The following MTMR8 variants were observed in gnomAD, a reference collection of about 807,000 sequenced individuals.
The protein encoded by MTMR8 is phosphatidylinositol-3,5-bisphosphate 3-phosphatase MTMR8.
A neutral mutation model predicts 39.3 loss-of-function variants in MTMR8; 65 were observed. That is an observed-to-expected ratio of 1.65 (90% CI 1.35 to 2.03). The LOEUF is 2.03. Among genes scored for constraint, MTMR8 ranks in the 30% most tolerant of loss-of-function variants. The pLI, the probability that MTMR8 is intolerant of heterozygous loss-of-function variation, is 0.00. For missense variants in MTMR8, 777 were observed against 538.9 expected, an observed-to-expected ratio of 1.44 and a Z score of -4.37; for synonymous variants, 245 against 185.2, an observed-to-expected ratio of 1.32 and a Z score of -2.62.
chrX:64,285,541 C>T (rs1921133658), intron 12 of MTMR8, among the ~76,000 whole-genome samples: 1 of 111,917 alleles, frequency 8.9e-6, no homozygotes, highest in Non-Finnish European at 1.9e-5. Context: ...CACCACACCA[C>T]ACCTATTCCA....
intron 1 of MTMR8, among the ~76,000 whole-genome samples, chrX:64,377,129 C>A (rs767477205): frequency 2.5e-4 from 28 of 112,364 alleles, no homozygotes; most frequent in Non-Finnish European, 4.5e-4. Flanking sequence ...GCCTGGATGT[C>A]CAGGCAGAAG....
intron 12 of MTMR8, among the ~76,000 whole-genome samples, chrX:64,297,086 G>A (rs1365157935): frequency 5.6e-5 from 5 of 89,576 alleles, no homozygotes; most frequent in Admixed American, 1.3e-4. Flanking sequence ...AGTCCTTTGG[G>A]TATATACCCA....
intron 12 of MTMR8, among the ~76,000 whole-genome samples, chrX:64,295,647 G>A (rs1017910533): frequency 9.0e-6 from 1 of 111,332 alleles, no homozygotes; most frequent in African/African-American, 3.3e-5. Flanking sequence ...ATGGGCAATG[G>A]ACTTGAATAG....
chrX:64,305,372 CA>C, intron 12 of MTMR8: 1 of 221,177 alleles, frequency 4.5e-6, no homozygotes, highest in Non-Finnish European at 8.5e-6. Context: ...CCCCCTTATC[CA>C]AAAGGTTTAT....
Position 64,395,358 on chromosome X carries a change from A to T in MTMR8, c.6T>A (p.Asp2Glu), listed in dbSNP as rs780052998. 1 of 1,209,937 alleles carries T rather than the reference A, an allele frequency of 8.3e-7. No homozygotes were observed. The highest frequency in any genetic ancestry group is 1.8e-5 in the South Asian group (1 of 56,883). M[D>E]HITVPKVENV... ...TCCTTACCTTGGGTACCGTAATATG[A>T]TCCATGACTGCAGTTCCCGCCACCG... Residue 2 changes from aspartate (D) to glutamate (E), a missense_variant, in exon 1 of 14, where the codon GAT becomes GAA. Asp to Glu is a conservative substitution (Grantham distance 45). Transcript: ENST00000374852.
chrX:64,385,065 A>T (rs1924523425), intron 1 of MTMR8, among the ~76,000 whole-genome samples: 1 of 112,341 alleles, frequency 8.9e-6, no homozygotes, highest in Non-Finnish European at 1.9e-5. Flanking sequence ...AGAAGCAGCC[A>T]TGCCATTCTT....
intron 12 of MTMR8, among the ~76,000 whole-genome samples, chrX:64,298,321 G>T (rs1368663326): frequency 1.0e-5 from 1 of 99,138 alleles, no homozygotes; most frequent in Non-Finnish European, 2.0e-5. Flanking sequence ...TGGATTCCTA[G>T]GTATTTTATT....
intron 12 of MTMR8, among the ~76,000 whole-genome samples, chrX:64,277,094 G>C (rs1177012879): frequency 9.0e-6 from 1 of 111,085 alleles, no homozygotes; most frequent in African/African-American, 3.3e-5. Flanking sequence ...CTTTCCATTT[G>C]CTGGGTATAT....
intron 12 of MTMR8, among the ~76,000 whole-genome samples, chrX:64,311,407 T>C (rs1423092704): frequency 9.0e-6 from 1 of 111,664 alleles, no homozygotes; most frequent in African/African-American, 3.3e-5. Flanking sequence ...CTTTGTCAGA[T>C]GGGTAGATTG....
At chrX:64,331,935 CT>C (rs989714900) in intron 10 of MTMR8, among the ~76,000 whole-genome samples, 178 bp from the exon 11 acceptor site, 2 of 111,582 alleles carry the variant, frequency 1.8e-5, no homozygotes, top group African/African-American at 6.5e-5. Context: ...CTCTTAGCTG[CT>C]GGTGTCCTTC....
At chrX:64,318,803 G>T (rs1922548572) in intron 12 of MTMR8, among the ~76,000 whole-genome samples, 1 of 107,416 alleles carries the variant, frequency 9.3e-6, no homozygotes, top group Non-Finnish European at 1.9e-5. Context: ...CACCTCCAGG[G>T]TTCAAGCAAT....
intron 12 of MTMR8, chrX:64,306,299 A>C: frequency 3.2e-6 from 1 of 309,465 alleles, no homozygotes; most frequent in Non-Finnish European, 6.4e-6. Flanking sequence ...CTACTGTTTG[A>C]GCTTGTTCAG....
At chrX:64,353,157 G>T (rs1043341828) in intron 4 of MTMR8, among the ~76,000 whole-genome samples, 1 of 111,925 alleles carries the variant, frequency 8.9e-6, no homozygotes, top group Non-Finnish European at 1.9e-5. Context: ...CATATGCAAA[G>T]AAACACTTTA....
At chrX:64,329,733 T>A (rs1270447915) in intron 11 of MTMR8, among the ~76,000 whole-genome samples, 1 of 111,401 alleles carries the variant, frequency 9.0e-6, no homozygotes, top group African/African-American at 3.3e-5. Context: ...GTCTTGTAAC[T>A]TTTGCAATTG....
chrX:64,294,358 A>G (rs965699031), intron 12 of MTMR8, among the ~76,000 whole-genome samples: 2 of 111,717 alleles, frequency 1.8e-5, no homozygotes, highest in Non-Finnish European at 3.8e-5. Context: ...ATTTTTTCCC[A>G]GCCACCTATG....
intron 12 of MTMR8, among the ~76,000 whole-genome samples, chrX:64,311,628 T>G (rs1320594791): frequency 7.2e-5 from 8 of 111,763 alleles, no homozygotes; most frequent in Middle Eastern, 4.6e-3. Context: ...ATGGTTTTAG[T>G]TCTAACATTT....
chrX:64,283,118 T>A (rs775957324), intron 12 of MTMR8, among the ~76,000 whole-genome samples: 2 of 111,813 alleles, frequency 1.8e-5, no homozygotes, highest in African/African-American at 6.5e-5. Flanking sequence ...TTTGGGTCAC[T>A]CCCACCCTAA....
chrX:64,322,765 C>T (rs1406083091), intron 12 of MTMR8, among the ~76,000 whole-genome samples: 2 of 112,471 alleles, frequency 1.8e-5, no homozygotes, highest in Non-Finnish European at 3.8e-5. Context: ...CAAGCTGTTA[C>T]AGCACTCTAT....
chrX:64,345,152 G>A lies in MTMR8; in HGVS notation c.758C>T (p.Ala253Val), dbSNP rs1923316987. ...PKLNAMANRA[A>V]GKGYENEDNY... ...GTCTTCATTTTCATACCCCTTCCCA[G>A]CTGCTCGGTTGGCCATGGCATTCAA... Residue 253 changes from alanine (A) to valine (V), a missense_variant, in exon 7 of 14, where the codon GCT becomes GTT. By Grantham distance (64) the Ala-to-Val change is moderately conservative. Coordinates refer to ENST00000374852, the MANE Select transcript of MTMR8 (RefSeq NM_017677.4). 8.3e-7 allele frequency: 1 copy of A among 1,211,068 alleles called. No homozygotes were observed. Among genetic ancestry groups the A allele is most frequent in the South Asian group, 1.8e-5 (1 of 56,969 alleles).
Sources: allele counts gnomAD v4.1 joint callset (sites outside exome capture counted in the v4.1 genomes callset), GRCh38; gene constraint gnomAD v4.1.1; transcripts MANE v1.5; gene names NCBI Gene and HGNC (gene_info 2026-07-23, HGNC 2026-07-21).